The following ADCK2 variants were observed in gnomAD, a reference collection of about 807,000 sequenced individuals.
ADCK2 encodes the protein uncharacterized aarF domain-containing protein kinase 2.
ADCK2 carries 37 observed loss-of-function variants against 52.3 expected under a neutral mutation model. The observed-to-expected ratio is 0.71, with a 90% CI of 0.54 to 0.93. The LOEUF (loss-of-function observed/expected upper bound fraction) is 0.93, where lower values mean the gene tolerates loss of function less well. Ranked by LOEUF, ADCK2 falls within the 40% of genes least tolerant of loss-of-function variation. The pLI, the probability that ADCK2 is intolerant of heterozygous loss-of-function variation, is 0.00. For synonymous variants in ADCK2, 321 were observed against 349.2 expected, an observed-to-expected ratio of 0.92 and a Z score of 0.90; for missense variants, 695 against 798.7, an observed-to-expected ratio of 0.87 and a Z score of 1.56.
intron 4 of ADCK2, among the ~76,000 whole-genome samples, chr7:140,685,886 G>C (rs987284120): frequency 1.3e-5 from 2 of 151,904 alleles, no homozygotes; most frequent in African/African-American, 4.8e-5. Flanking sequence ...TCCACAAGCC[G>C]TGCCAAATCC....
chr7:140,677,351 T>C (rs1244001675), intron 2 of ADCK2, among the ~76,000 whole-genome samples: 2 of 150,172 alleles, frequency 1.3e-5, no homozygotes, highest in Non-Finnish European at 2.9e-5. Flanking sequence ...GAGGTTGCAA[T>C]GAGCCAAGAT....
In ADCK2 at chr7:140,674,003, G is replaced by C; in HGVS notation, c.673G>C (p.Glu225Gln). Reference sequence around the variant, plus strand: ...AGCATACGCCAACACTGCCTTCCTGGAGACTGACAGCGTCCAGAGACTTGG... The same window carrying C: ...AGCATACGCCAACACTGCCTTCCTGCAGACTGACAGCGTCCAGAGACTTGG... ...YKAYANTAFL[E>Q]TDSVQRLGRA... The change falls in exon 1 of 8, where the codon GAG (glutamate) becomes CAG (glutamine). Residue 225 changes from glutamate (E) to glutamine (Q), a missense_variant. Transcript: ENST00000072869. The surrounding 1 kb of genome is among the most constrained non-coding windows in gnomAD (Gnocchi z 4.6). 6.2e-7 allele frequency: 1 copy of C among 1,614,112 alleles called. No individual in the cohort carries two copies. Among genetic ancestry groups the C allele is most frequent in the South Asian group, 1.1e-5 (1 of 91,082 alleles).
chr7:140,694,001 G>A (rs1794752475), intron 7 of ADCK2, among the ~76,000 whole-genome samples: 1 of 152,136 alleles, frequency 6.6e-6, no homozygotes, highest in Admixed American at 6.5e-5. Flanking sequence ...GAGCCACCAC[G>A]CCCGGCCTGT....
intron 7 of ADCK2, among the ~76,000 whole-genome samples, chr7:140,694,246 T>C (rs556218287): frequency 1.3e-5 from 2 of 152,260 alleles, no homozygotes; most frequent in South Asian, 4.1e-4. Flanking sequence ...ATCTTGCCAT[T>C]GCACTCCAGC....
chr7:140,674,554 G>T lies in ADCK2; in HGVS notation c.934-57G>T. ...GCTTGGATGGTGGGACCCAGCCCTG[G>T]CTGGGTAAAATGTGTCCAGCAGGTT... On this transcript the variant is annotated intron_variant, in intron 1 of 7. Coordinates refer to ENST00000072869, the MANE Select transcript of ADCK2 (RefSeq NM_052853.4). The surrounding 1 kb of genome is among the most constrained non-coding windows in gnomAD (Gnocchi z 4.6). 4 of 1,570,898 alleles carry T rather than the reference G, an allele frequency of 2.5e-6. No individual in the cohort carries two copies. The highest frequency in any genetic ancestry group is 1.2e-5 in the South Asian group (1 of 85,332).
chr7:140,684,642 C>T (rs961144856), intron 4 of ADCK2, among the ~76,000 whole-genome samples: 1 of 152,166 alleles, frequency 6.6e-6, no homozygotes, highest in Non-Finnish European at 1.5e-5. Context: ...GGTGGAGGCA[C>T]GTCTGGAGTC....
rs143518658 is a variant in ADCK2, at chr7:140,687,132, C to T, written c.1448C>T (p.Ser483Phe). The T allele has an allele frequency of 6.8e-4, 1,094 of 1,613,728 alleles. 2 individuals carry two copies. Among genetic ancestry groups the T allele is most frequent in the Non-Finnish European group, 8.7e-4 (1,023 of 1,179,918 alleles). The change falls in exon 5 of 8, where the codon TCC (serine) becomes TTC (phenylalanine). Residue 483 changes from serine (S) to phenylalanine (F), a missense_variant. Transcript: ENST00000072869. ...CDTLVVAVPSSLCPLRLVLLD... is the reference protein window; with the variant it reads ...CDTLVVAVPSFLCPLRLVLLD... Reference sequence around the variant, plus strand: ...ACTCTGGTGGTGGCCGTGCCATCTTCCCTCTGCCCGCTGCGACTGGTGCTG... The same window carrying T: ...ACTCTGGTGGTGGCCGTGCCATCTTTCCTCTGCCCGCTGCGACTGGTGCTG...
At chr7:140,689,818 G>A (rs573841509) in intron 6 of ADCK2, 93 bp downstream of exon 6, 14 of 1,325,866 alleles carry the variant, frequency 1.1e-5, no homozygotes, top group Non-Finnish European at 1.3e-5. Flanking sequence ...TCTTTATGAG[G>A]GGTGTGAGTT....
chr7:140,681,231 G>GAGC (rs1794510432), intron 4 of ADCK2, 94 bp downstream of exon 4: 1 of 1,204,410 alleles, frequency 8.3e-7, no homozygotes, highest in Admixed American at 1.9e-5. Flanking sequence ...GTGGGAAGGA[G>GAGC]AGCGAAGCAG....
intron 4 of ADCK2, among the ~76,000 whole-genome samples, chr7:140,684,781 C>T (rs1794578110): frequency 6.6e-6 from 1 of 152,160 alleles, no homozygotes; most frequent in South Asian, 2.1e-4. Flanking sequence ...TCCACTCCAC[C>T]CCAGGGCCTG....
chr7:140,677,015 C>T (rs1585842963), intron 2 of ADCK2, among the ~76,000 whole-genome samples: 1 of 143,866 alleles, frequency 7.0e-6, no homozygotes, highest in South Asian at 2.3e-4. Context: ...AGAGTGAGAT[C>T]CCATCTCAAA....
intron 2 of ADCK2, among the ~76,000 whole-genome samples, chr7:140,675,396 C>T (rs1420337339): frequency 2.0e-5 from 3 of 152,208 alleles, no homozygotes; most frequent in Admixed American, 6.5e-5. Flanking sequence ...TCTCCCTCCT[C>T]GGCCTTCCAA....
chr7:140,691,448 T>C (rs1456337509), intron 7 of ADCK2, among the ~76,000 whole-genome samples: 2 of 152,216 alleles, frequency 1.3e-5, no homozygotes, highest in Non-Finnish European at 2.9e-5. Context: ...TGCTTAGCTC[T>C]TTCCTGGTGG....
At position 140,673,093 on chromosome 7, in the gene ADCK2, T is replaced by G. The variant is rs1293663233; in HGVS notation, c.-238T>G. 11 of 249,608 alleles carry G rather than the reference T, an allele frequency of 4.4e-5. No homozygotes were observed. The highest frequency in any genetic ancestry group is 8.0e-5 in the East Asian group (1 of 12,438). 15.5% of individuals were successfully genotyped at this position (249,608 alleles called of 1,614,324 possible). On this transcript the variant is annotated 5_prime_UTR_variant, in exon 1 of 8. Transcript: ENST00000072869. The surrounding 1 kb of genome is among the most constrained non-coding windows in gnomAD (Gnocchi z 6.4). ...GGTCCTGGCTCCTCCCGTTCCGCAG[T>G]TGGTGCCGTCTGACAGCCCCTTCCG...
chr7:140,685,212 G>C (rs1364724365), intron 4 of ADCK2, among the ~76,000 whole-genome samples: 1 of 152,188 alleles, frequency 6.6e-6, no homozygotes, highest in Non-Finnish European at 1.5e-5. Flanking sequence ...ACTTTGGGAG[G>C]CTGAGGCCGG....
At chr7:140,683,918 G>C (rs143465305) in intron 4 of ADCK2, among the ~76,000 whole-genome samples, 13 of 152,178 alleles carry the variant, frequency 8.5e-5, no homozygotes. Flanking sequence ...TGCTTCCATG[G>C]GAAACCTTCT....
chr7:140,678,147 G>A lies in ADCK2; in HGVS notation c.1081-1008G>A, dbSNP rs1251952865. 6.6e-6 allele frequency among the ~76,000 whole-genome samples: 1 copy of A among 152,200 alleles called. No homozygotes were observed. The highest frequency in any genetic ancestry group is 1.5e-5 in the Non-Finnish European group (1 of 68,030). On this transcript the variant is annotated intron_variant, in intron 2 of 7. Transcript: ENST00000072869. This position sits in a 1 kb window ranked among gnomAD's most constrained non-coding sequence, Gnocchi z 4.9. ...CTCAGGTGACTGGACCTGAGGGCAT[G>A]CGCCTTGGGAGTGGCATTGGGGGAC...
intron 4 of ADCK2, among the ~76,000 whole-genome samples, chr7:140,686,576 G>C (rs1794608224): frequency 6.6e-6 from 1 of 151,994 alleles, no homozygotes. Flanking sequence ...CACCACACCC[G>C]GCCTTATTTA....
At position 140,689,632 on chromosome 7, in the gene ADCK2, C is replaced by T; in HGVS notation, c.1593C>T (p.Ala531=). Residue 531 remains alanine, a synonymous_variant, in exon 6 of 8, where the codon GCC becomes GCT. Coordinates refer to ENST00000072869, the MANE Select transcript of ADCK2 (RefSeq NM_052853.4). ...TGGCTGAGCTGATCCTGCATCATGCCCGGGCCAGCGAGTGCAGGGACGTGG... is the reference window on the plus strand; with the variant it reads ...TGGCTGAGCTGATCCTGCATCATGCTCGGGCCAGCGAGTGCAGGGACGTGG... ...QRVAELILHH[A]RASECRDVEG... is the part of the protein sequence containing the mutation. 6.2e-7 allele frequency: 1 copy of T among 1,612,038 alleles called. No individual in the cohort carries two copies. Among genetic ancestry groups the T allele is most frequent in the Non-Finnish European group, 8.5e-7 (1 of 1,178,864 alleles).
Sources: allele counts gnomAD v4.1 joint callset (sites outside exome capture counted in the v4.1 genomes callset), GRCh38; gene constraint gnomAD v4.1.1; non-coding constraint Gnocchi (gnomAD v3.1); transcripts MANE v1.5; gene names NCBI Gene and HGNC (gene_info 2026-07-23, HGNC 2026-07-21).